Variants in CNTN5 observed in about 807,000 individuals in gnomAD.
The protein encoded by CNTN5 is contactin-5.
Under a neutral mutation model 129.1 loss-of-function variants are expected in CNTN5, and 77 were observed. The observed-to-expected ratio is 0.60, with a 90% CI of 0.50 to 0.72. CNTN5 has a LOEUF of 0.72. CNTN5 is among the 30% of genes least tolerant of loss of function. The pLI is 0.00. For synonymous variants in CNTN5, 509 were observed against 465.6 expected, an observed-to-expected ratio of 1.09 and a Z score of -1.20; for missense variants, 1,478 against 1,328.8, an observed-to-expected ratio of 1.11 and a Z score of -1.75.
At chr11:99,832,309 T>C (rs1270788902) in intron 4 of CNTN5, among the ~76,000 whole-genome samples, 1 of 152,176 alleles carries the variant, frequency 6.6e-6, no homozygotes. Context: ...AGGCAAAAAC[T>C]GTAATTACAT....
intron 8 of CNTN5, among the ~76,000 whole-genome samples, chr11:99,997,244 C>T (rs113713411): frequency 0.12 from 17,818 of 151,926 alleles, 1,098 homozygotes; most frequent in Middle Eastern, 0.15. Flanking sequence ...TCCTTCAGTC[C>T]TGCTCTGATT....
In CNTN5 at chr11:99,869,766, G is replaced by A. The variant is rs17134560; in HGVS notation, c.577+24504G>A. The stretch of plus-strand genomic sequence containing the variant: ...GTATGACATGTTGCTTTTCATAGAC[G>A]TTATCTCTGTTCAATTTGCTTCTGC... On this transcript the variant is annotated intron_variant, in intron 6 of 24. Transcript: ENST00000524871. 4.9e-3 allele frequency among the ~76,000 whole-genome samples: 740 copies of A among 152,208 alleles called. 4 individuals are homozygous for A. The highest frequency in any genetic ancestry group is 0.017 in the African/African-American group (695 of 41,532).
At chr11:99,842,037 C>T (rs1947523371) in intron 4 of CNTN5, among the ~76,000 whole-genome samples, 1 of 151,706 alleles carries the variant, frequency 6.6e-6, no homozygotes, top group African/African-American at 2.4e-5. Context: ...CAGGCATGCA[C>T]CCCACGCACC....
intron 6 of CNTN5, among the ~76,000 whole-genome samples, chr11:99,846,949 A>G (rs977499037): frequency 6.6e-6 from 1 of 152,238 alleles, no homozygotes; most frequent in Non-Finnish European, 1.5e-5. Flanking sequence ...TATGTGGTGT[A>G]TCACAGAACC....
chr11:100,107,813 T>A (rs1407850703), intron 13 of CNTN5, among the ~76,000 whole-genome samples: 1 of 152,002 alleles, frequency 6.6e-6, no homozygotes, highest in Admixed American at 6.6e-5. Context: ...GTGATACAAA[T>A]GTATACACAT....
rs1020455370 is a variant in CNTN5, at chr11:99,922,869, G to C, written c.673+6720G>C. Among the ~76,000 whole-genome samples the C allele has an allele frequency of 3.9e-5, 6 of 152,290 alleles. No homozygotes were observed. In the South Asian group the frequency reaches 6.2e-4, roughly 16 times the overall value. On this transcript the variant is annotated intron_variant, in intron 7 of 24. Coordinates refer to ENST00000524871, the MANE Select transcript of CNTN5 (RefSeq NM_014361.4). ...GTGAAATGCAGATTCTAACAGTTGA[G>C]TTTTGCAAGGTTTTAGACAGTTTCT... is the stretch of plus-strand genomic sequence containing the variant.
chr11:100,203,518 G>T (rs555899834), intron 15 of CNTN5, among the ~76,000 whole-genome samples: 42 of 151,954 alleles, frequency 2.8e-4, no homozygotes, highest in African/African-American at 9.6e-4. Context: ...TGCAGTTTTG[G>T]CCACCAAAAT....
intron 2 of CNTN5, among the ~76,000 whole-genome samples, chr11:99,423,829 T>C (rs988748855): frequency 6.7e-6 from 1 of 149,428 alleles, no homozygotes; most frequent in African/African-American, 2.4e-5. Flanking sequence ...AGAGGCAGCA[T>C]AAGACTAGTG....
At chr11:99,977,276 C>T (rs952374992) in intron 8 of CNTN5, among the ~76,000 whole-genome samples, 1 of 152,192 alleles carries the variant, frequency 6.6e-6, no homozygotes, top group Non-Finnish European at 1.5e-5. Flanking sequence ...TTCATCAAGT[C>T]TCCAGGAAGT....
intron 17 of CNTN5, among the ~76,000 whole-genome samples, chr11:100,261,739 A>G (rs1474036719): frequency 6.6e-6 from 1 of 152,202 alleles, no homozygotes; most frequent in African/African-American, 2.4e-5. Context: ...AAAACTGACT[A>G]GCTATATGCA....
intron 6 of CNTN5, among the ~76,000 whole-genome samples, chr11:99,896,990 AC>A (rs1949223360): frequency 6.6e-6 from 1 of 152,082 alleles, no homozygotes; most frequent in African/African-American, 2.4e-5. Flanking sequence ...TCTGCCAGTG[AC>A]CCGGGTACCA....
chr11:99,222,789 G>A (rs1248648037), intron 1 of CNTN5, among the ~76,000 whole-genome samples: 1 of 152,066 alleles, frequency 6.6e-6, no homozygotes, highest in Non-Finnish European at 1.5e-5. Context: ...TATTTAAAGT[G>A]TATTTCAAGT....
At chr11:99,430,427 C>G (rs1348077836) in intron 2 of CNTN5, among the ~76,000 whole-genome samples, 1 of 149,918 alleles carries the variant, frequency 6.7e-6, no homozygotes. Flanking sequence ...GCATTATATA[C>G]ATAAGAACTT....
At chr11:99,360,751 T>C (rs1939051902) in intron 2 of CNTN5, among the ~76,000 whole-genome samples, 1 of 152,210 alleles carries the variant, frequency 6.6e-6, no homozygotes, top group Non-Finnish European at 1.5e-5. Context: ...AGCATACTAA[T>C]CTTTTTATCA....
intron 15 of CNTN5, among the ~76,000 whole-genome samples, chr11:100,221,760 G>A (rs1273183324): frequency 6.6e-6 from 1 of 151,850 alleles, no homozygotes; most frequent in African/African-American, 2.4e-5. Context: ...AAATTCATTT[G>A]AAGCAACAAG....
At chr11:100,238,366 G>A (rs1459487231) in intron 16 of CNTN5, among the ~76,000 whole-genome samples, 2 of 139,100 alleles carry the variant, frequency 1.4e-5, no homozygotes, top group African/African-American at 5.5e-5. Flanking sequence ...AAATAATCAG[G>A]CAAGTCATCC....
intron 1 of CNTN5, among the ~76,000 whole-genome samples, chr11:99,255,201 T>C (rs549675357): frequency 1.3e-5 from 2 of 151,974 alleles, no homozygotes; most frequent in South Asian, 4.1e-4. Flanking sequence ...TTAATATTAA[T>C]GCCAGAAAAG....
intron 9 of CNTN5, among the ~76,000 whole-genome samples, chr11:100,011,193 CTA>C (rs1471030051): frequency 6.6e-6 from 1 of 152,086 alleles, no homozygotes; most frequent in Admixed American, 6.6e-5. Context: ...TTTACATTAG[CTA>C]TAGTTTTCTG....
In CNTN5 at chr11:100,299,228, A is replaced by C. The variant is rs1410294408; in HGVS notation, c.2452A>C (p.Thr818Pro). The change falls in exon 20 of 25, where the codon ACA (threonine) becomes CCA (proline). Residue 818 changes from threonine (T) to proline (P), a missense_variant. Coordinates refer to ENST00000524871, the MANE Select transcript of CNTN5 (RefSeq NM_014361.4). The part of the protein sequence containing the change: ...GYIVAFRPNG[T>P]RGWKEKMVTS... ...TATTGTGGCTTTCAGACCCAATGGAACACGTGGCTGGAAGGAAAAAATGGT... is the reference window on the plus strand; with the variant it reads ...TATTGTGGCTTTCAGACCCAATGGACCACGTGGCTGGAAGGAAAAAATGGT... The C allele has an allele frequency of 6.2e-7, 1 of 1,610,342 alleles. No individual in the cohort carries two copies. Among genetic ancestry groups the C allele is most frequent in the Admixed American group, 1.7e-5 (1 of 59,656 alleles).
Sources: gnomAD v4.1 joint callset for allele counts (sites outside exome capture counted in the v4.1 genomes callset) on GRCh38, gnomAD v4.1.1 for gene constraint, MANE v1.5 for transcripts, NCBI Gene and HGNC (gene_info 2026-07-23, HGNC 2026-07-21) for gene names.